EYS: variants seen among roughly 807,000 people sequenced by gnomAD.
The protein encoded by EYS is EGF-like photoreceptor maintenance factor.
In EYS, 250 loss-of-function variants were observed where a neutral mutation model predicts 282.1. That is an observed-to-expected ratio of 0.89 (90% CI 0.80 to 0.98). The LOEUF (loss-of-function observed/expected upper bound fraction) is 0.98, where lower values mean the gene tolerates loss of function less well. Ranked by LOEUF, EYS falls within the 50% of genes least tolerant of loss-of-function variation. The pLI, the probability that EYS is intolerant of heterozygous loss-of-function variation, is 0.00. For missense variants in EYS, 4,016 were observed against 3,709.0 expected, an observed-to-expected ratio of 1.08 and a Z score of -2.15; for synonymous variants, 1,355 against 1,282.9, an observed-to-expected ratio of 1.06 and a Z score of -1.20.
At chr6:65,364,834 TA>T (rs1562124831) in intron 8 of EYS, among the ~76,000 whole-genome samples, 1 of 151,776 alleles carries the variant, frequency 6.6e-6, no homozygotes, top group African/African-American at 2.4e-5. Flanking sequence ...GCTAAATTTT[TA>T]AAAAATGAAA....
chr6:65,052,587 T>C (rs1334127328), intron 13 of EYS, among the ~76,000 whole-genome samples: 4 of 151,584 alleles, frequency 2.6e-5, no homozygotes, highest in South Asian at 4.1e-4. Flanking sequence ...ATGGAAAATA[T>C]GTATGCAGTC....
At chr6:65,082,698 T>C (rs1211226423) in intron 12 of EYS, among the ~76,000 whole-genome samples, 1 of 152,074 alleles carries the variant, frequency 6.6e-6, no homozygotes, top group African/African-American at 2.4e-5. Context: ...GAAGGATATA[T>C]GTAATAAACA....
At chr6:63,879,949 G>A (rs539640012) in intron 35 of EYS, among the ~76,000 whole-genome samples, 12 of 152,252 alleles carry the variant, frequency 7.9e-5, no homozygotes, top group South Asian at 4.1e-4. Flanking sequence ...TGTACTGAAC[G>A]TATTAAATAT....
In EYS at chr6:63,954,585, C is replaced by T. The variant is rs149504901; in HGVS notation, c.7055+29798G>A. On this transcript the variant is annotated intron_variant, in intron 35 of 42. Transcript: ENST00000503581. ...AAGTGGGAGTCATTCACTGCAAGGG[C>T]CATCAAAAGGCATCAGATGCCATCA... Among the ~76,000 whole-genome samples, 1,160 of 152,268 alleles carry T rather than the reference C, an allele frequency of 7.6e-3. 7 individuals are homozygous for T. The highest frequency in any genetic ancestry group is 0.016 in the South Asian group (76 of 4,820).
chr6:65,626,069 G>A (rs1026746967), intron 2 of EYS, among the ~76,000 whole-genome samples: 2 of 152,234 alleles, frequency 1.3e-5, no homozygotes, highest in Non-Finnish European at 2.9e-5. Flanking sequence ...AATCACTGAA[G>A]CCTGTGTAGT....
chr6:64,299,252 C>T (rs907733865), intron 30 of EYS, among the ~76,000 whole-genome samples: 2 of 152,182 alleles, frequency 1.3e-5, no homozygotes, highest in African/African-American at 4.8e-5. Flanking sequence ...GAGAGGGTGA[C>T]CAGATTAATT....
At chr6:64,330,990 C>T (rs958803266) in intron 29 of EYS, among the ~76,000 whole-genome samples, 1 of 152,058 alleles carries the variant, frequency 6.6e-6, no homozygotes, top group African/African-American at 2.4e-5. Flanking sequence ...CTTAAAATAC[C>T]AAGATGTTGA....
intron 10 of EYS, among the ~76,000 whole-genome samples, chr6:65,339,052 G>T (rs1338109322): frequency 6.6e-6 from 1 of 151,176 alleles, no homozygotes; most frequent in Non-Finnish European, 1.5e-5. Flanking sequence ...AATTCTGTAA[G>T]ATCTAATATA....
intron 23 of EYS, among the ~76,000 whole-genome samples, chr6:64,618,884 T>A (rs1414334375): frequency 3.9e-5 from 6 of 152,140 alleles, no homozygotes. Context: ...CTTTGTTGAG[T>A]CTCACAAACA....
At chr6:64,587,414 G>A (rs1766266467) in intron 26 of EYS, among the ~76,000 whole-genome samples, 1 of 151,918 alleles carries the variant, frequency 6.6e-6, no homozygotes, top group South Asian at 2.1e-4. Flanking sequence ...GTAAGAAACA[G>A]GTATATATAA....
At chr6:64,097,157 C>T (rs1315816691) in intron 31 of EYS, among the ~76,000 whole-genome samples, 4 of 152,176 alleles carry the variant, frequency 2.6e-5, no homozygotes, top group Non-Finnish European at 5.9e-5. Context: ...TGTCAGTCCG[C>T]CCCTACTGGC....
intron 22 of EYS, among the ~76,000 whole-genome samples, chr6:64,644,841 T>C (rs1186008498): frequency 1.3e-5 from 2 of 152,156 alleles, no homozygotes; most frequent in Non-Finnish European, 2.9e-5. Context: ...CATTTACCTG[T>C]GCCAGGCAGC....
At chr6:63,978,278 C>G (rs996702775) in intron 35 of EYS, among the ~76,000 whole-genome samples, 3 of 151,948 alleles carry the variant, frequency 2.0e-5, no homozygotes, top group Non-Finnish European at 2.9e-5. Flanking sequence ...GCTTTCCCCG[C>G]CACCTGTTTC....
At chr6:65,685,279 A>C (rs145811333) in intron 1 of EYS, among the ~76,000 whole-genome samples, 184 of 152,070 alleles carry the variant, frequency 1.2e-3, no homozygotes, top group Non-Finnish European at 2.3e-3. Context: ...TTTCAGCAGC[A>C]TTTTTTCTCT....
chr6:65,504,009 T>G (rs941535337), intron 2 of EYS, among the ~76,000 whole-genome samples: 1 of 151,684 alleles, frequency 6.6e-6, no homozygotes, highest in Non-Finnish European at 1.5e-5. Context: ...GTAATTTTGA[T>G]TGGGATTGTA....
chr6:64,979,500 G>T (rs188980251), intron 14 of EYS, among the ~76,000 whole-genome samples: 84 of 151,672 alleles, frequency 5.5e-4, no homozygotes, highest in Admixed American at 1.5e-3. Flanking sequence ...AATTCTGACT[G>T]GGAATTACAC....
At chr6:64,134,169 G>A (rs1293254211) in intron 31 of EYS, among the ~76,000 whole-genome samples, 1 of 151,966 alleles carries the variant, frequency 6.6e-6, no homozygotes, top group African/African-American at 2.4e-5. Context: ...CATGATAAGA[G>A]TTTTGAAATT....
chr6:65,237,389 G>T (rs1766954811), intron 12 of EYS, among the ~76,000 whole-genome samples: 2 of 152,150 alleles, frequency 1.3e-5, no homozygotes, highest in Admixed American at 6.6e-5. Flanking sequence ...GACTTGAATA[G>T]TATAGGTTTG....
At chr6:65,308,068 G>T in intron 11 of EYS, among the ~76,000 whole-genome samples, 2 of 127,710 alleles carry the variant, frequency 1.6e-5, no homozygotes, top group Non-Finnish European at 1.6e-5. Context: ...CACCTCCCGG[G>T]TTCAAGCGAT....
Sources: gnomAD v4.1 joint callset for allele counts (sites outside exome capture counted in the v4.1 genomes callset) on GRCh38, gnomAD v4.1.1 for gene constraint, MANE v1.5 for transcripts, NCBI Gene and HGNC (gene_info 2026-07-23, HGNC 2026-07-21) for gene names.